MEGF11: variants seen among roughly 807,000 people sequenced by gnomAD.
MEGF11 encodes multiple epidermal growth factor-like domains protein 11.
MEGF11 carries 126 observed loss-of-function variants against 146.6 expected under a neutral mutation model. The ratio of observed to expected loss-of-function variants is 0.86; its 90% CI spans 0.74 to 1.00. MEGF11 has a LOEUF of 1.00. MEGF11 is among the 50% of genes least tolerant of loss of function. The pLI is 0.00. For synonymous variants in MEGF11, 532 were observed against 583.4 expected, an observed-to-expected ratio of 0.91 and a Z score of 1.27; for missense variants, 1,509 against 1,521.2, an observed-to-expected ratio of 0.99 and a Z score of 0.13.
chr15:66,065,948 G>A (rs1013737970), intron 5 of MEGF11, among the ~76,000 whole-genome samples: 1 of 152,160 alleles, frequency 6.6e-6, no homozygotes, highest in African/African-American at 2.4e-5. Context: ...CTTGGTGGTG[G>A]GAGGACAGTT....
Position 65,957,631 on chromosome 15 carries a change from A to C in MEGF11, c.1203T>G (p.Asp401Glu). The C allele has an allele frequency of 1.2e-6, 2 of 1,613,980 alleles. No homozygotes were observed. The highest frequency in any genetic ancestry group is 1.7e-6 in the Non-Finnish European group (2 of 1,179,888). ...NESCPVGYYG[D>E]GCQLPCTCQN... is the part of the protein sequence containing the mutation. ...GACAGGTGCAAGGCAGCTGGCAGCC[A>C]TCGCCATAGTAGCCAACAGGGCAGG... The change falls in exon 10 of 26, where the codon GAT (aspartate) becomes GAG (glutamate). Residue 401 changes from aspartate (D) to glutamate (E), a missense_variant. By Grantham distance (45) the Asp-to-Glu change is conservative (BLOSUM62 2). Transcript: ENST00000395614.
intron 1 of MEGF11, among the ~76,000 whole-genome samples, chr15:66,220,252 C>G (rs963626325): frequency 6.6e-6 from 1 of 151,962 alleles, no homozygotes. Context: ...CCCCCCACCC[C>G]CCGCCATGTG....
chr15:66,228,812 C>T (rs1383319619), intron 1 of MEGF11, among the ~76,000 whole-genome samples: 1 of 152,114 alleles, frequency 6.6e-6, no homozygotes, highest in African/African-American at 2.4e-5. Context: ...TCTCTGGCTT[C>T]CAGTTGGGTT....
chr15:65,915,257 A>G (rs1295558641), intron 19 of MEGF11, among the ~76,000 whole-genome samples: 1 of 152,142 alleles, frequency 6.6e-6, no homozygotes, highest in Non-Finnish European at 1.5e-5. Flanking sequence ...GAAACTTGCC[A>G]AGGGTGAGCC....
intron 5 of MEGF11, among the ~76,000 whole-genome samples, chr15:66,037,305 T>C (rs1052404539): frequency 6.6e-6 from 1 of 152,212 alleles, no homozygotes; most frequent in African/African-American, 2.4e-5. Flanking sequence ...AATAAGCATT[T>C]ACTAAACATC....
chr15:66,083,158 T>C (rs2085966749), intron 5 of MEGF11, among the ~76,000 whole-genome samples: 1 of 152,232 alleles, frequency 6.6e-6, no homozygotes, highest in South Asian at 2.1e-4. Flanking sequence ...AGTGCTGGCC[T>C]GACCTGTAGT....
intron 8 of MEGF11, among the ~76,000 whole-genome samples, chr15:65,965,624 T>TCTTTCTTTCTTTCTTTCTTTCTTTC (rs1567180177): frequency 8.4e-6 from 1 of 118,734 alleles, no homozygotes; most frequent in Non-Finnish European, 1.9e-5. Flanking sequence ...TTTTTTTTTT[T>TCTTTCTTTCTTTCTTTCTTTCTTTC]TTTGGCTCTT....
At chr15:66,215,513 T>A (rs973251033) in intron 1 of MEGF11, among the ~76,000 whole-genome samples, 1 of 152,228 alleles carries the variant, frequency 6.6e-6, no homozygotes, top group Non-Finnish European at 1.5e-5. Context: ...ATAGTCTTGA[T>A]GCAGAAATTG....
chr15:66,217,375 C>T (rs945892410), intron 1 of MEGF11, among the ~76,000 whole-genome samples: 1 of 152,208 alleles, frequency 6.6e-6, no homozygotes, highest in African/African-American at 2.4e-5. Flanking sequence ...TGGAGATGGG[C>T]CCCTTTGGAT....
rs368581495 is a variant in MEGF11 at position 66,200,872 on chromosome 15, G to C, written c.-9+52733C>G. On this transcript the variant is annotated intron_variant, in intron 1 of 25. Transcript: ENST00000395614. Reference sequence around the variant, plus strand: ...AGCCCTAAAGCCCAGCATGCATCATGGAGTCTTGGGTGAGGTCAGGTTGTC... The same window carrying C: ...AGCCCTAAAGCCCAGCATGCATCATCGAGTCTTGGGTGAGGTCAGGTTGTC... Among the ~76,000 whole-genome samples the C allele has an allele frequency of 2.4e-4, 36 of 152,158 alleles. No individual in the cohort carries two copies. The East Asian group carries it at 6.8e-3, about 29-fold the overall frequency.
chr15:65,924,544 T>C (rs2079298349), intron 13 of MEGF11, among the ~76,000 whole-genome samples: 2 of 151,152 alleles, frequency 1.3e-5, no homozygotes, highest in Admixed American at 1.3e-4. Context: ...GTGGAAACCA[T>C]AAAACTGTTC....
rs990994872 is a variant in MEGF11 at position 65,895,538 on chromosome 15, A to T, written c.*2396T>A. On this transcript the variant is annotated 3_prime_UTR_variant, in exon 26 of 26. Coordinates refer to ENST00000395614, the MANE Select transcript of MEGF11 (RefSeq NM_001385028.1). The stretch of plus-strand genomic sequence containing the variant: ...GTCACCCATAAAATGCACAGTATAC[A>T]TGTTTAGGCTGACCATGAACCTATT... 3.3e-5 allele frequency: 5 copies of T among 152,648 alleles called. No individual in the cohort carries two copies. Among genetic ancestry groups the T allele is most frequent in the Non-Finnish European group, 1.5e-5 (1 of 68,036 alleles). 9.5% of individuals were successfully genotyped at this position (152,648 alleles called of 1,614,324 possible). A position where few individuals can be genotyped will look rare whatever the true frequency, so the allele number is the denominator to read the frequency against.
chr15:66,155,990 T>G (rs1162886533), intron 1 of MEGF11, among the ~76,000 whole-genome samples: 1 of 152,130 alleles, frequency 6.6e-6, no homozygotes, highest in African/African-American at 2.4e-5. Flanking sequence ...ATTTGCTGCT[T>G]CCCATCTGGG....
intron 5 of MEGF11, among the ~76,000 whole-genome samples, chr15:66,067,345 C>T (rs1200838169): frequency 6.6e-6 from 1 of 152,200 alleles, no homozygotes; most frequent in African/African-American, 2.4e-5. Context: ...AAATGCATTC[C>T]TATCCACTGT....
rs875948 is a variant in MEGF11, at chr15:65,922,610, A to G, written c.1823-138T>C. ...TCTTGGAGGGCGCATCCCTTTCTGC[A>G]GAGAAGAGCTGTGGTGTGGCCCTGT... On this transcript the variant is annotated intron_variant, in intron 14 of 25. Coordinates refer to ENST00000395614, the MANE Select transcript of MEGF11 (RefSeq NM_001385028.1). 2.8e-3 allele frequency: 3,813 copies of G among 1,355,718 alleles called. 90 individuals carry two copies. The African/African-American group carries it at 0.048, about 17-fold the overall frequency. The allele number at this position is 1,355,718 out of a possible 1,614,324, so 84.0% of individuals were successfully genotyped here. A position where few individuals can be genotyped will look rare whatever the true frequency, so the allele number is the denominator to read the frequency against.
chr15:66,092,686 A>G (rs1315285164), intron 5 of MEGF11, among the ~76,000 whole-genome samples: 1 of 152,216 alleles, frequency 6.6e-6, no homozygotes, highest in Non-Finnish European at 1.5e-5. Context: ...AAAACCCTCC[A>G]GGGCCCTCCC....
chr15:66,071,324 G>A (rs1464231102), intron 5 of MEGF11, among the ~76,000 whole-genome samples: 2 of 152,150 alleles, frequency 1.3e-5, no homozygotes, highest in South Asian at 2.1e-4. Flanking sequence ...AGTCTCCACC[G>A]TGGGGTGCCG....
At chr15:65,999,192 C>T (rs985194206) in intron 5 of MEGF11, among the ~76,000 whole-genome samples, 2 of 151,864 alleles carry the variant, frequency 1.3e-5, no homozygotes, top group Admixed American at 6.6e-5. Flanking sequence ...CCACCATGAC[C>T]GGCTATTTTT....
Position 65,910,568 on chromosome 15 carries a change from TGAGGTGACCCAGA to T in MEGF11, c.2830-775_2830-763del, listed in dbSNP as rs1389448107. On this transcript the variant is annotated intron_variant, in intron 21 of 25. Coordinates refer to ENST00000395614, the MANE Select transcript of MEGF11 (RefSeq NM_001385028.1). The stretch of plus-strand genomic sequence containing the variant: ...AGAGAGCCACTCTGGGCCCCTGGGC[TGAGGTGACCCAGA>T]GGGTCACCAAGTTGGCTACTCTGCA... Among the ~76,000 whole-genome samples the T allele has an allele frequency of 2.6e-5, 4 of 152,218 alleles. No individual in the cohort carries two copies. In the East Asian group the frequency reaches 7.7e-4, roughly 29 times the overall value.
Sources: allele counts gnomAD v4.1 joint callset (sites outside exome capture counted in the v4.1 genomes callset), GRCh38; gene constraint gnomAD v4.1.1; transcripts MANE v1.5; gene names NCBI Gene and HGNC (gene_info 2026-07-23, HGNC 2026-07-21).